WASF1: variants seen among roughly 807,000 people sequenced by gnomAD.
WASF1 encodes the protein WASP family member 1.
WASF1 carries 7 observed loss-of-function variants against 50.5 expected under a neutral mutation model. The ratio of observed to expected loss-of-function variants is 0.14; its 90% CI spans 0.08 to 0.26. WASF1 has a LOEUF of 0.26. Among genes scored for constraint, WASF1 ranks in the 10% least tolerant of loss-of-function variants. The pLI is 1.00. For synonymous variants in WASF1, 205 were observed against 244.0 expected, an observed-to-expected ratio of 0.84 and a Z score of 1.49; for missense variants, 470 against 694.7, an observed-to-expected ratio of 0.68 and a Z score of 3.64.
intron 2 of WASF1, among the ~76,000 whole-genome samples, chr6:110,169,576 A>T (rs1261631130): frequency 6.6e-6 from 1 of 152,204 alleles, no homozygotes; most frequent in Non-Finnish European, 1.5e-5. Flanking sequence ...GATACACTGC[A>T]CATGACTTGA....
intron 2 of WASF1, among the ~76,000 whole-genome samples, chr6:110,164,745 C>T (rs916437767): frequency 7.3e-5 from 11 of 151,586 alleles, no homozygotes; most frequent in African/African-American, 2.7e-4. Context: ...AAAATGTCAA[C>T]ATCGATGTTT....
intron 3 of WASF1, among the ~76,000 whole-genome samples, chr6:110,134,503 C>T (rs1171502655): frequency 6.6e-6 from 1 of 151,718 alleles, no homozygotes; most frequent in Non-Finnish European, 1.5e-5. Flanking sequence ...CAGCTCACTG[C>T]AACCTCTGCC....
At chr6:110,174,384 A>G (rs1776840784) in intron 2 of WASF1, among the ~76,000 whole-genome samples, 1 of 152,176 alleles carries the variant, frequency 6.6e-6, no homozygotes, top group Non-Finnish European at 1.5e-5. Flanking sequence ...CTTGGCCCTC[A>G]ATAATTATGT....
At chr6:110,107,506 A>G (rs1773372944) in intron 6 of WASF1, among the ~76,000 whole-genome samples, 1 of 152,218 alleles carries the variant, frequency 6.6e-6, no homozygotes. Flanking sequence ...AATAATTACA[A>G]ATAGCTCTGC....
At chr6:110,175,854 T>C (rs1283063880) in intron 2 of WASF1, among the ~76,000 whole-genome samples, 1 of 152,178 alleles carries the variant, frequency 6.6e-6, no homozygotes, top group Non-Finnish European at 1.5e-5. Flanking sequence ...ATCTGAAACT[T>C]ATTTTTCCCA....
rs749076376 is a variant in WASF1, at chr6:110,103,473, T to C, written c.798A>G (p.Arg266=). 6.2e-7 allele frequency: 1 copy of C among 1,614,026 alleles called. No individual in the cohort carries two copies. The highest frequency in any genetic ancestry group is 1.1e-5 in the South Asian group (1 of 91,078). ...PFSQMSELLT[R]AEERVLVRPH... ...GTCTGACTAATACCCTTTCCTCAGC[T>C]CTAGTCAGAAGCTCACTCATCTGAC... The change falls in exon 9 of 11, where the codon AGA becomes AGG. Residue 266 remains arginine, a synonymous_variant. Coordinates refer to ENST00000392589, the MANE Select transcript of WASF1 (RefSeq NM_003931.3).
At chr6:110,131,034 T>A (rs1028063187) in intron 3 of WASF1, among the ~76,000 whole-genome samples, 1 of 152,242 alleles carries the variant, frequency 6.6e-6, no homozygotes, top group Non-Finnish European at 1.5e-5. Flanking sequence ...GGCCATTTGT[T>A]GTGTTAGGGC....
chr6:110,120,898 C>A (rs1323753597), intron 4 of WASF1, among the ~76,000 whole-genome samples: 1 of 152,188 alleles, frequency 6.6e-6, no homozygotes, highest in Non-Finnish European at 1.5e-5. Context: ...CTACAACCAT[C>A]TGATCTTTGA....
chr6:110,179,221 G>A (rs1423139862), intron 1 of WASF1, among the ~76,000 whole-genome samples: 1 of 152,062 alleles, frequency 6.6e-6, no homozygotes, highest in East Asian at 1.9e-4. Context: ...CGCGCCCGCC[G>A]CCGTCTCCCT....
chr6:110,150,969 G>A (rs1360049682), intron 3 of WASF1, among the ~76,000 whole-genome samples: 2 of 152,180 alleles, frequency 1.3e-5, no homozygotes, highest in Non-Finnish European at 2.9e-5. Flanking sequence ...CCCAGGAGGC[G>A]AAGGTTGCAG....
chr6:110,126,604 G>A (rs1306677012), intron 4 of WASF1, among the ~76,000 whole-genome samples: 1 of 152,150 alleles, frequency 6.6e-6, no homozygotes, highest in East Asian at 1.9e-4. Context: ...GAATTTATAT[G>A]GCTGATGAGA....
At position 110,124,219 on chromosome 6, in the gene WASF1, T is replaced by TCCTCC. The variant is rs1355416482; in HGVS notation, c.133+3249_133+3250insGGAGG. ...TCTCTCTCTCTCTCTCTCTCTCTCCTCTCTCTCCTCTCTCTCCTCTCTCTC... is the reference window on the plus strand; with the variant it reads ...TCTCTCTCTCTCTCTCTCTCTCTCCTCCTCCCTCTCTCCTCTCTCTCCTCTCTCTC... On this transcript the variant is annotated intron_variant, in intron 4 of 10. Transcript: ENST00000392589. Among the ~76,000 whole-genome samples the TCCTCC allele has an allele frequency of 5.3e-4, 34 of 63,812 alleles. 3 individuals carry two copies. Among genetic ancestry groups the TCCTCC allele is most frequent in the African/African-American group, 1.6e-3 (15 of 9,226 alleles). The allele number at this position is 63,812 out of a possible 152,430, so 41.9% of individuals were successfully genotyped here.
At chr6:110,151,583 C>T (rs1775827340) in intron 3 of WASF1, among the ~76,000 whole-genome samples, 1 of 152,138 alleles carries the variant, frequency 6.6e-6, no homozygotes, top group Non-Finnish European at 1.5e-5. Flanking sequence ...ATTCATTCAT[C>T]TCTTGCACAA....
intron 3 of WASF1, among the ~76,000 whole-genome samples, chr6:110,145,729 T>G (rs1160587452): frequency 1.3e-5 from 2 of 152,214 alleles, no homozygotes; most frequent in Non-Finnish European, 2.9e-5. Context: ...ATGTGGTTTT[T>G]GTCTTTGGTT....
intron 2 of WASF1, among the ~76,000 whole-genome samples, chr6:110,169,049 G>T (rs1562191077): frequency 6.6e-6 from 1 of 152,024 alleles, no homozygotes; most frequent in Non-Finnish European, 1.5e-5. Flanking sequence ...TATATCCTTT[G>T]ATCACAACTT....
At chr6:110,158,522 G>GGAA (rs1776121716) in intron 3 of WASF1, among the ~76,000 whole-genome samples, 1 of 130,680 alleles carries the variant, frequency 7.7e-6, no homozygotes, top group African/African-American at 3.3e-5. Flanking sequence ...TGGATTCATT[G>GGAA]ATTTTTTGAA....
chr6:110,163,634 A>C (rs1776353754), intron 2 of WASF1, among the ~76,000 whole-genome samples: 1 of 151,540 alleles, frequency 6.6e-6, no homozygotes, highest in Non-Finnish European at 1.5e-5. Flanking sequence ...AGAAAACTCA[A>C]TATTGTCAAG....
intron 3 of WASF1, among the ~76,000 whole-genome samples, chr6:110,151,809 T>C (rs775059339): frequency 6.6e-6 from 1 of 152,166 alleles, no homozygotes; most frequent in Admixed American, 6.5e-5. Flanking sequence ...AGTATATTAT[T>C]ATCTTAGTTC....
chr6:110,147,645 T>C (rs1456476411), intron 3 of WASF1, among the ~76,000 whole-genome samples: 3 of 152,236 alleles, frequency 2.0e-5, no homozygotes, highest in African/African-American at 4.8e-5. Flanking sequence ...GATTCCATGT[T>C]ACTCTCAAAG....
Sources: allele counts gnomAD v4.1 joint callset (sites outside exome capture counted in the v4.1 genomes callset), GRCh38; gene constraint gnomAD v4.1.1; transcripts MANE v1.5; gene names NCBI Gene and HGNC (gene_info 2026-07-23, HGNC 2026-07-21).